SLC35G6: variants seen among roughly 807,000 people sequenced by gnomAD.
SLC35G6 encodes solute carrier family 35 member G6.
Under a neutral mutation model 20.3 loss-of-function variants are expected in SLC35G6, and 18 were observed. The ratio of observed to expected loss-of-function variants is 0.88; its 90% CI spans 0.61 to 1.31. SLC35G6 has a LOEUF of 1.31. SLC35G6 is among the 40% of genes most tolerant of loss of function. The pLI is 0.00. For missense variants in SLC35G6, 372 were observed against 433.4 expected (o/e 0.86, Z 1.26); for synonymous variants, 156 against 200.9 (o/e 0.78, Z 1.89).
chr17:7,482,232 T>C lies in SLC35G6; in HGVS notation c.248T>C (p.Ile83Thr), dbSNP rs778137794. 117 of 1,613,856 alleles carry C rather than the reference T, an allele frequency of 7.2e-5. No homozygotes were observed. Among genetic ancestry groups the C allele is most frequent in the Non-Finnish European group, 9.2e-5 (109 of 1,179,872 alleles). The change falls in exon 2 of 2, where the codon ATT becomes ACT. Residue 83 changes from isoleucine (I) to threonine (T), a missense_variant. Ile to Thr is a moderately conservative substitution (Grantham distance 89). Coordinates refer to ENST00000412468, the MANE Select transcript of SLC35G6 (RefSeq NM_001102614.2). Reference sequence around the variant, plus strand: ...TGTCGATGCCTCTTCCACCTCCCTATTGCCCTGCTACTTAAACTGCGTGGC... The same window carrying C: ...TGTCGATGCCTCTTCCACCTCCCTACTGCCCTGCTACTTAAACTGCGTGGC... ...LICRCLFHLP[I>T]ALLLKLRGDP...
Position 7,482,848 on chromosome 17 carries a change from C to T in SLC35G6, c.864C>T (p.Ser288=), listed in dbSNP as rs140664147. 21 of 1,612,046 alleles carry T rather than the reference C, an allele frequency of 1.3e-5. No homozygotes were observed. In the East Asian group the frequency reaches 3.6e-4, roughly 27 times the overall value. Residue 288 remains serine (S), a synonymous_variant, in exon 2 of 2, where the codon TCC becomes TCT. Transcript: ENST00000412468. ...CCCTGGTGTGCGCTGTCCTGCATTC[C>T]GAGGTGGTGGTGGCCCTTATACTGC... ...HPALVCAVLH[S]EVVVALILQY... is the part of the protein sequence containing the mutation.
chr17:7,482,621 C>G lies in SLC35G6; in HGVS notation c.637C>G (p.Leu213Val). The part of the protein sequence containing the change: ...LSLGLLVYRS[L>V]HFPSCLPTVA... Reference sequence around the variant, plus strand: ...CCTGGGGCTTCTGGTCTATCGTTCTCTGCACTTTCCCTCCTGCCTCCCAAC... The same window carrying G: ...CCTGGGGCTTCTGGTCTATCGTTCTGTGCACTTTCCCTCCTGCCTCCCAAC... Residue 213 changes from leucine to valine, a missense_variant, in exon 2 of 2, where the codon CTG becomes GTG. By Grantham distance (32) the Leu-to-Val change is conservative (BLOSUM62 1). Transcript: ENST00000412468. The G allele has an allele frequency of 1.2e-6, 2 of 1,612,088 alleles. No homozygotes were observed. The highest frequency in any genetic ancestry group is 2.7e-5 in the African/African-American group (2 of 74,968).
Position 7,482,286 on chromosome 17 carries a change from G to A in SLC35G6, c.302G>A (p.Arg101Gln), listed in dbSNP as rs751688186. 37 of 1,614,012 alleles carry A rather than the reference G, an allele frequency of 2.3e-5. No homozygotes were observed. In the African/African-American group the frequency reaches 3.7e-4, roughly 16 times the overall value. Residue 101 changes from arginine to glutamine, a missense_variant, in exon 2 of 2, where the codon CGA becomes CAA. Coordinates refer to ENST00000412468, the MANE Select transcript of SLC35G6 (RefSeq NM_001102614.2). ...GDPLLGPPDIRGRAYFYALLN... is the reference protein window; with the variant it reads ...GDPLLGPPDIQGRAYFYALLN... ...CCCCTTCTGGGACCTCCTGACATCC[G>A]AGGCCGGGCCTACTTCTATGCCCTG... is the stretch of plus-strand genomic sequence containing the variant.
chr17:7,481,699 C>A (rs139622100), intron 1 of SLC35G6, among the ~76,000 whole-genome samples, 180 bp downstream of exon 1: 48 of 152,300 alleles, frequency 3.2e-4, no homozygotes, highest in African/African-American at 1.2e-3. Context: ...GAGGCTTCCT[C>A]CCCTTCCTCA....
In SLC35G6 at chr17:7,482,660, T is replaced by A. The variant is rs377524027; in HGVS notation, c.676T>A (p.Ser226Thr). The change falls in exon 2 of 2, where the codon TCT becomes ACT. Residue 226 changes from serine to threonine, a missense_variant. Physicochemically the swap from Ser to Thr is moderately conservative, Grantham distance 58 (BLOSUM62 1). Coordinates refer to ENST00000412468, the MANE Select transcript of SLC35G6 (RefSeq NM_001102614.2). ...CTGCCTCCCAACAGTGGCCTTCCTA[T>A]CTGGCTTGGTGGGGCTGCTGGGCTC... The part of the protein sequence containing the change: ...PSCLPTVAFL[S>T]GLVGLLGSVP... The A allele has an allele frequency of 1.4e-5, 23 of 1,611,928 alleles. No individual in the cohort carries two copies. Among genetic ancestry groups the A allele is most frequent in the Non-Finnish European group, 1.8e-5 (21 of 1,179,874 alleles).
rs2070372807 is a variant in SLC35G6, at chr17:7,483,381, G to A, written c.*380G>A. On this transcript the variant is annotated 3_prime_UTR_variant, in exon 2 of 2. Transcript: ENST00000412468. ...GAGCCAGCAGCTGCGGTGGGGGAGG[G>A]GAGCGTGCCTCCCCACCCCTCCCCT... 1 of 302,316 alleles carries A rather than the reference G, an allele frequency of 3.3e-6. No homozygotes were observed. Among genetic ancestry groups the A allele is most frequent in the Admixed American group, 4.9e-5 (1 of 20,566 alleles). 18.7% of individuals were successfully genotyped at this position (302,316 alleles called of 1,614,324 possible).
Position 7,482,157 on chromosome 17 carries a change from C to T in SLC35G6, c.173C>T (p.Ser58Phe). The change falls in exon 2 of 2, where the codon TCT (serine) becomes TTT (phenylalanine). Residue 58 changes from serine (S) to phenylalanine (F), a missense_variant. Ser to Phe is a radical substitution (Grantham distance 155). Coordinates refer to ENST00000412468, the MANE Select transcript of SLC35G6 (RefSeq NM_001102614.2). Reference sequence around the variant, plus strand: ...CCTGCTGGCTTCGTGGGCCCCCTTTCTCATATGGCTTACCAGGCTTCCAAC... The same window carrying T: ...CCTGCTGGCTTCGTGGGCCCCCTTTTTCATATGGCTTACCAGGCTTCCAAC... Reference protein sequence around the residue: ...GLPAGFVGPLSHMAYQASNLP... With the variant: ...GLPAGFVGPLFHMAYQASNLP... 6.2e-7 allele frequency: 1 copy of T among 1,614,176 alleles called. No homozygotes were observed. Among genetic ancestry groups the T allele is most frequent in the Non-Finnish European group, 8.5e-7 (1 of 1,180,030 alleles).
rs904303437 is a variant in SLC35G6 at position 7,483,346 on chromosome 17, G to A, written c.*345G>A. On this transcript the variant is annotated 3_prime_UTR_variant, in exon 2 of 2. Transcript: ENST00000412468. Reference sequence around the variant, plus strand: ...AAGAGCATTGGGGCTGGAGTGTTCCGGCAAAGACAGAGCCAGCAGCTGCGG... The same window carrying A: ...AAGAGCATTGGGGCTGGAGTGTTCCAGCAAAGACAGAGCCAGCAGCTGCGG... 3 of 359,180 alleles carry A rather than the reference G, an allele frequency of 8.4e-6. No individual in the cohort carries two copies. The highest frequency in any genetic ancestry group is 4.2e-5 in the African/African-American group (2 of 48,086). The allele number at this position is 359,180 out of a possible 1,614,324, so 22.2% of individuals were successfully genotyped here. A position where few individuals can be genotyped will look rare whatever the true frequency, so the allele number is the denominator to read the frequency against.
rs1467163123 is a variant in SLC35G6, at chr17:7,483,496, G to A, written c.*495G>A. The A allele has an allele frequency of 5.7e-5, 12 of 211,450 alleles. No individual in the cohort carries two copies. The East Asian group carries it at 8.8e-4, about 16-fold the overall frequency. 13.1% of individuals were successfully genotyped at this position (211,450 alleles called of 1,614,324 possible). On this transcript the variant is annotated 3_prime_UTR_variant, in exon 2 of 2. Transcript: ENST00000412468. ...ATCAAACAAGGATTACTCTGAATGTGGCTTGCAGTGGTGTCGTCTCTGCTT... is the reference window on the plus strand; with the variant it reads ...ATCAAACAAGGATTACTCTGAATGTAGCTTGCAGTGGTGTCGTCTCTGCTT...
Position 7,482,695 on chromosome 17 carries a change from C to T in SLC35G6, c.711C>T (p.Gly237=). The T allele has an allele frequency of 6.2e-7, 1 of 1,612,038 alleles. No homozygotes were observed. Among genetic ancestry groups the T allele is most frequent in the East Asian group, 2.2e-5 (1 of 44,884 alleles). ...GLVGLLGSVP[G]LFVLQPPVLP... ...TGGGGCTGCTGGGCTCTGTGCCAGG[C>T]CTCTTTGTGCTGCAGCCCCCCGTGT... The change falls in exon 2 of 2, where the codon GGC becomes GGT. Residue 237 remains glycine, a synonymous_variant. Transcript: ENST00000412468.
Position 7,482,828 on chromosome 17 carries a change from G to A in SLC35G6, c.844G>A (p.Val282Met), listed in dbSNP as rs1309605276. Residue 282 changes from valine to methionine, a missense_variant, in exon 2 of 2, where the codon GTG becomes ATG. Transcript: ENST00000412468. The stretch of plus-strand genomic sequence containing the variant: ...GGTCACCAAGGCCCACCCTGCCCTG[G>A]TGTGCGCTGTCCTGCATTCCGAGGT... ...YAVTKAHPAL[V>M]CAVLHSEVVV... 6.2e-7 allele frequency: 1 copy of A among 1,612,060 alleles called. No homozygotes were observed. The highest frequency in any genetic ancestry group is 8.5e-7 in the Non-Finnish European group (1 of 1,179,872).
chr17:7,482,723 C>A lies in SLC35G6; in HGVS notation c.739C>A (p.Pro247Thr). The change falls in exon 2 of 2, where the codon CCC becomes ACC. Residue 247 changes from proline to threonine, a missense_variant. Pro to Thr is a conservative substitution (Grantham distance 38). Coordinates refer to ENST00000412468, the MANE Select transcript of SLC35G6 (RefSeq NM_001102614.2). ...CTTTGTGCTGCAGCCCCCCGTGTTG[C>A]CCAGTGATCTCCCGAGTTGGAGTTG... is the stretch of plus-strand genomic sequence containing the variant. ...GLFVLQPPVL[P>T]SDLPSWSCVG... 6.2e-7 allele frequency: 1 copy of A among 1,612,048 alleles called. No homozygotes were observed. Among genetic ancestry groups the A allele is most frequent in the Non-Finnish European group, 8.5e-7 (1 of 1,179,866 alleles).
chr17:7,482,531 G>A lies in SLC35G6; in HGVS notation c.547G>A (p.Gly183Arg), dbSNP rs773623892. 14 of 1,613,046 alleles carry A rather than the reference G, an allele frequency of 8.7e-6. No homozygotes were observed. In the South Asian group the frequency reaches 1.3e-4, roughly 15 times the overall value. Residue 183 changes from glycine to arginine, a missense_variant, in exon 2 of 2, where the codon GGG becomes AGG. By Grantham distance (125) the Gly-to-Arg change is moderately radical. Transcript: ENST00000412468. ...VGPGLWTLQE[G>R]ITGVYTALGY... Reference sequence around the variant, plus strand: ...ACCTGGACTCTGGACACTACAGGAGGGGATCACGGGTGTCTACACCGCCCT... The same window carrying A: ...ACCTGGACTCTGGACACTACAGGAGAGGATCACGGGTGTCTACACCGCCCT...
At position 7,482,318 on chromosome 17, in the gene SLC35G6, G is replaced by A. The variant is rs757753838; in HGVS notation, c.334G>A (p.Val112Ile). 16 of 1,613,886 alleles carry A rather than the reference G, an allele frequency of 9.9e-6. No individual in the cohort carries two copies. The East Asian group carries it at 1.8e-4, about 18-fold the overall frequency. The change falls in exon 2 of 2, where the codon GTC (valine) becomes ATC (isoleucine). Residue 112 changes from valine to isoleucine, a missense_variant. Transcript: ENST00000412468. ...GRAYFYALLN[V>I]LSIGCAYSAV... ...GGCCTACTTCTATGCCCTGCTCAAC[G>A]TCCTCAGCATTGGATGTGCCTACAG... is the stretch of plus-strand genomic sequence containing the variant.
In SLC35G6 at chr17:7,482,470, G is replaced by A; in HGVS notation, c.486G>A (p.Leu162=). 6.2e-7 allele frequency: 1 copy of A among 1,614,020 alleles called. No individual in the cohort carries two copies. The highest frequency in any genetic ancestry group is 8.5e-7 in the Non-Finnish European group (1 of 1,179,888). Residue 162 remains leucine (L), a synonymous_variant, in exon 2 of 2, where the codon CTG becomes CTA. Coordinates refer to ENST00000412468, the MANE Select transcript of SLC35G6 (RefSeq NM_001102614.2). ...TCAGTGGCTACGACTGGTGTGGACT[G>A]TTGGGCAGCATCCTAGGACTAATCA... is the stretch of plus-strand genomic sequence containing the variant. ...QGLSGYDWCG[L]LGSILGLIII...
rs1567695442 is a variant in SLC35G6 at position 7,483,442 on chromosome 17, C to T, written c.*441C>T. The T allele has an allele frequency of 3.8e-6, 1 of 262,880 alleles. No homozygotes were observed. The highest frequency in any genetic ancestry group is 7.5e-6 in the Non-Finnish European group (1 of 133,818). The allele number at this position is 262,880 out of a possible 1,614,324, so 16.3% of individuals were successfully genotyped here. A position where few individuals can be genotyped will look rare whatever the true frequency, so the allele number is the denominator to read the frequency against. On this transcript the variant is annotated 3_prime_UTR_variant, in exon 2 of 2. Transcript: ENST00000412468. ...GTTTCCTTTCCTCGTGCTTGTGCCC[C>T]CCCCTTGGGGTGGTGACGTGACATT...
chr17:7,481,587 T>A, intron 1 of SLC35G6, 68 bp downstream of exon 1: 1 of 1,166,166 alleles, frequency 8.6e-7, no homozygotes, highest in Non-Finnish European at 1.2e-6. Context: ...TTCCCCTCCT[T>A]TCCTAAAACT....
rs1182709702 is a variant in SLC35G6, at chr17:7,482,060, C to CG, written c.77dup (p.Trp27LeufsTer9). 9 of 1,613,738 alleles carry CG rather than the reference C, an allele frequency of 5.6e-6. No individual in the cohort carries two copies. In the Admixed American group the frequency reaches 1.5e-4, roughly 27 times the overall value. ...GCCGCCCTCCGCTCCACCCAGCCTCCGCTGGCACCAGTGCTGCCAGCCCTC... is the reference window on the plus strand; with the variant it reads ...GCCGCCCTCCGCTCCACCCAGCCTCCGGCTGGCACCAGTGCTGCCAGCCCTC... On this transcript the variant is annotated frameshift_variant, in exon 2 of 2. Coordinates refer to ENST00000412468, the MANE Select transcript of SLC35G6 (RefSeq NM_001102614.2). LOFTEE classifies it high-confidence loss of function.
At chr17:7,481,549 C>T in intron 1 of SLC35G6, 30 bp downstream of exon 1, 1 of 1,501,322 alleles carries the variant, frequency 6.7e-7, no homozygotes, top group Non-Finnish European at 9.0e-7. Context: ...GCCTAGTACT[C>T]CCTCCCTATA....
Sources: allele counts gnomAD v4.1 joint callset (sites outside exome capture counted in the v4.1 genomes callset), GRCh38; gene constraint gnomAD v4.1.1; transcripts MANE v1.5; gene names NCBI Gene and HGNC (gene_info 2026-07-23, HGNC 2026-07-21).